The following DNAH17 variants were observed in gnomAD, a reference collection of about 807,000 sequenced individuals.
DNAH17 encodes axonemal beta dynein heavy chain 17.
Under a neutral mutation model 485.6 loss-of-function variants are expected in DNAH17, and 376 were observed. The observed-to-expected ratio is 0.77, with a 90% CI of 0.71 to 0.84. The LOEUF is 0.84. Ranked by LOEUF, DNAH17 falls within the 40% of genes least tolerant of loss-of-function variation. The pLI, the probability that DNAH17 is intolerant of heterozygous loss-of-function variation, is 0.00. For synonymous variants in DNAH17, 3,031 were observed against 2,405.9 expected, an observed-to-expected ratio of 1.26 and a Z score of -7.60; for missense variants, 6,370 against 5,839.3, an observed-to-expected ratio of 1.09 and a Z score of -2.96.
intron 52 of DNAH17, 149 bp from the exon 53 acceptor site, chr17:78,475,982 G>T: frequency 9.3e-6 from 8 of 857,436 alleles, no homozygotes; most frequent in Non-Finnish European, 1.4e-5. Context: ...ACCTGCTGCC[G>T]TGGGCCCAGC....
In DNAH17 at chr17:78,462,522, G is replaced by A. The variant is rs892233366; in HGVS notation, c.9174+322C>T. Among the ~76,000 whole-genome samples, 14 of 152,290 alleles carry A rather than the reference G, an allele frequency of 9.2e-5. No individual in the cohort carries two copies. In the South Asian group the frequency reaches 1.0e-3, roughly 11 times the overall value. ...GCCCCATGGTATGAATGGTATTTACGAATGAACAAATGCATTTGTATTGAC... is the reference window on the plus strand; with the variant it reads ...GCCCCATGGTATGAATGGTATTTACAAATGAACAAATGCATTTGTATTGAC... On this transcript the variant is annotated intron_variant, in intron 57 of 80. Coordinates refer to ENST00000389840, the MANE Select transcript of DNAH17 (RefSeq NM_173628.4).
chr17:78,473,459 G>C (rs2088862101), intron 54 of DNAH17, among the ~76,000 whole-genome samples: 1 of 150,454 alleles, frequency 6.6e-6, no homozygotes, highest in Non-Finnish European at 1.5e-5. Flanking sequence ...CAGGAGAATG[G>C]TGTGAACCCG....
At chr17:78,488,100 A>G (rs912330567) in intron 44 of DNAH17, among the ~76,000 whole-genome samples, 11 of 152,192 alleles carry the variant, frequency 7.2e-5, no homozygotes, top group African/African-American at 2.7e-4. Context: ...TACTTTGAAG[A>G]TGTTTGTGTC....
At chr17:78,449,811 C>A in intron 68 of DNAH17, 1 of 528,778 alleles carries the variant, frequency 1.9e-6, no homozygotes, top group East Asian at 3.2e-5. Context: ...GCCTCAGCCT[C>A]CCAAGGCGCA....
At position 78,424,068 on chromosome 17, in the gene DNAH17, C is replaced by G. The variant is rs754432776; in HGVS notation, c.13227G>C (p.Lys4409Asn). 2.5e-6 allele frequency: 4 copies of G among 1,614,016 alleles called. No homozygotes were observed. The highest frequency in any genetic ancestry group is 3.4e-6 in the Non-Finnish European group (4 of 1,179,896). The change falls in exon 81 of 81, where the codon AAG (lysine) becomes AAC (asparagine). Residue 4409 changes from lysine (K) to asparagine (N), a missense_variant. Lys to Asn is a moderately conservative substitution (Grantham distance 94). Coordinates refer to ENST00000389840, the MANE Select transcript of DNAH17 (RefSeq NM_173628.4). Reference sequence around the variant, plus strand: ...TCTCCATGCGGTCCACAGGAATGGCCTTGATGAAGATGACAGGCATGGCCG... The same window carrying G: ...TCTCCATGCGGTCCACAGGAATGGCGTTGATGAAGATGACAGGCATGGCCG... Reference protein sequence around the residue: ...LTPAMPVIFIKAIPVDRMETK... With the variant: ...LTPAMPVIFINAIPVDRMETK...
chr17:78,530,305 A>T (rs773938002), intron 21 of DNAH17, 38 bp downstream of exon 21: 1 of 1,567,346 alleles, frequency 6.4e-7, no homozygotes, highest in African/African-American at 1.3e-5. Context: ...TGCTCTGCAC[A>T]TTCCTTGGGC....
intron 18 of DNAH17, among the ~76,000 whole-genome samples, chr17:78,538,882 AG>A (rs2091449235): frequency 6.6e-6 from 1 of 152,036 alleles, no homozygotes; most frequent in Admixed American, 6.6e-5. Flanking sequence ...AGCCTGGGGG[AG>A]CCTTTGATCT....
chr17:78,544,245 A>C (rs1470351290), intron 16 of DNAH17, among the ~76,000 whole-genome samples: 4 of 152,220 alleles, frequency 2.6e-5, no homozygotes, highest in African/African-American at 4.8e-5. Context: ...CAGAAAGACC[A>C]TTGAGATGTT....
intron 22 of DNAH17, among the ~76,000 whole-genome samples, chr17:78,528,073 C>T (rs1014475615): frequency 2.0e-5 from 3 of 151,966 alleles, no homozygotes; most frequent in Non-Finnish European, 2.9e-5. Flanking sequence ...GCCACCACAC[C>T]GGGCCATAAA....
chr17:78,528,324 A>T (rs1050392670), intron 22 of DNAH17, among the ~76,000 whole-genome samples: 7 of 152,068 alleles, frequency 4.6e-5, no homozygotes, highest in Admixed American at 2.0e-4. Flanking sequence ...CCAGTGGTAC[A>T]ATCATACATC....
intron 16 of DNAH17, among the ~76,000 whole-genome samples, chr17:78,550,498 G>A (rs753468525): frequency 1.2e-4 from 19 of 152,244 alleles, no homozygotes; most frequent in Non-Finnish European, 2.1e-4. Context: ...TCATTAGTGT[G>A]GGCCCTCATC....
rs56263406 is a variant in DNAH17, at chr17:78,502,322, A to T, written c.5190+269T>A. 224 of 323,666 alleles carry T rather than the reference A, an allele frequency of 6.9e-4. No individual in the cohort carries two copies. Among genetic ancestry groups the T allele is most frequent in the East Asian group, 1.1e-3 (18 of 16,142 alleles). The allele number at this position is 323,666 out of a possible 1,614,324, so 20.0% of individuals were successfully genotyped here. ...TTCTAACCAAGGACATTTTTTTTTTAAAGACTCTCAGTAGCATCTGCCAAT... is the reference window on the plus strand; with the variant it reads ...TTCTAACCAAGGACATTTTTTTTTTTAAGACTCTCAGTAGCATCTGCCAAT... On this transcript the variant is annotated intron_variant, in intron 33 of 80. Transcript: ENST00000389840.
At chr17:78,558,988 C>T (rs916424268) in intron 13 of DNAH17, among the ~76,000 whole-genome samples, 2 of 152,216 alleles carry the variant, frequency 1.3e-5, no homozygotes, top group African/African-American at 4.8e-5. Context: ...ACTAGACATT[C>T]CTGGTCACCA....
intron 21 of DNAH17, 134 bp downstream of exon 21, chr17:78,530,209 G>T: frequency 9.4e-7 from 1 of 1,060,432 alleles, no homozygotes; most frequent in Non-Finnish European, 1.3e-6. Flanking sequence ...GGGGTAGTTG[G>T]CCTTGAAGCC....
At chr17:78,542,934 A>C (rs1402664405) in intron 17 of DNAH17, among the ~76,000 whole-genome samples, 1 of 152,156 alleles carries the variant, frequency 6.6e-6, no homozygotes, top group Non-Finnish European at 1.5e-5. Flanking sequence ...TCATCCTGGG[A>C]AGACAAGATT....
chr17:78,532,732 T>TC lies in DNAH17; in HGVS notation c.2863dup (p.Asp955GlyfsTer5). ...TATGAGGTCTGTGTTATCTTCCAGGTCCATCTGAAAGGGGCAGGGGAGAAG... is the reference window on the plus strand; with the variant it reads ...TATGAGGTCTGTGTTATCTTCCAGGTCCCATCTGAAAGGGGCAGGGGAGAAG... On this transcript the variant is annotated frameshift_variant, in exon 20 of 81. Coordinates refer to ENST00000389840, the MANE Select transcript of DNAH17 (RefSeq NM_173628.4). LOFTEE classifies it high-confidence loss of function. 6.3e-7 allele frequency: 1 copy of TC among 1,591,440 alleles called. No individual in the cohort carries two copies. The highest frequency in any genetic ancestry group is 8.6e-7 in the Non-Finnish European group (1 of 1,167,366).
At chr17:78,463,130 A>C in intron 56 of DNAH17, 53 bp from the exon 57 acceptor site, 1 of 1,552,818 alleles carries the variant, frequency 6.4e-7, no homozygotes, top group Non-Finnish European at 8.8e-7. Flanking sequence ...GCAAATCAGC[A>C]AAGTGGGGCT....
At chr17:78,546,034 G>A (rs2091754165) in intron 16 of DNAH17, among the ~76,000 whole-genome samples, 1 of 151,976 alleles carries the variant, frequency 6.6e-6, no homozygotes, top group Non-Finnish European at 1.5e-5. Context: ...GAGGGCAGTG[G>A]CACAATCTCA....
At chr17:78,502,444 T>C (rs2146721937) in intron 33 of DNAH17, 147 bp downstream of exon 33, 1 of 704,386 alleles carries the variant, frequency 1.4e-6, no homozygotes, top group East Asian at 2.8e-5. Context: ...ATTTGGCCTG[T>C]GGAAACGACG....
Sources: gnomAD v4.1 joint callset for allele counts (sites outside exome capture counted in the v4.1 genomes callset) on GRCh38, gnomAD v4.1.1 for gene constraint, MANE v1.5 for transcripts, NCBI Gene and HGNC (gene_info 2026-07-23, HGNC 2026-07-21) for gene names.